Variants in ZNF420 observed in about 807,000 individuals in gnomAD.
The protein encoded by ZNF420 is ATM and p53-associated KZNF protein.
In ZNF420, 31 loss-of-function variants were observed where a neutral mutation model predicts 44.7. The observed-to-expected ratio is 0.69, with a 90% CI of 0.52 to 0.94. The LOEUF (loss-of-function observed/expected upper bound fraction) is 0.94, where lower values mean the gene tolerates loss of function less well. ZNF420 is among the 40% of genes least tolerant of loss of function. ZNF420 has a pLI of 0.00. For synonymous variants in ZNF420, 245 were observed against 267.4 expected (o/e 0.92, Z 0.82); for missense variants, 681 against 827.9 (o/e 0.82, Z 2.18).
chr19:37,026,727 G>T (rs765802265), intron 1 of ZNF420, among the ~76,000 whole-genome samples: 45 of 152,218 alleles, frequency 3.0e-4, no homozygotes, highest in Non-Finnish European at 5.7e-4. Context: ...CTCCCAAAGT[G>T]CTGGGATTAC....
At chr19:37,083,702 G>T (rs1968600722) in intron 2 of ZNF420, among the ~76,000 whole-genome samples, 1 of 152,082 alleles carries the variant, frequency 6.6e-6, no homozygotes. Flanking sequence ...GACTTTCCGT[G>T]CTGACAGAGT....
intron 1 of ZNF420, among the ~76,000 whole-genome samples, chr19:37,045,867 A>G (rs1303184270): frequency 6.6e-6 from 1 of 152,246 alleles, no homozygotes; most frequent in Non-Finnish European, 1.5e-5. Flanking sequence ...AACCTTTTCC[A>G]TGGCCTTGTC....
At chr19:37,126,711 A>G (rs1488005079) in intron 4 of ZNF420, among the ~76,000 whole-genome samples, 1 of 152,110 alleles carries the variant, frequency 6.6e-6, no homozygotes, top group East Asian at 1.9e-4. Flanking sequence ...ATTGTTCTTA[A>G]TCTCTTCCCT....
chr19:37,067,799 CATA>C (rs755165886), intron 1 of ZNF420, among the ~76,000 whole-genome samples: 4 of 152,100 alleles, frequency 2.6e-5, no homozygotes, highest in South Asian at 2.1e-4. Flanking sequence ...GCTCATAAAA[CATA>C]ATAATGTCTC....
intron 1 of ZNF420, among the ~76,000 whole-genome samples, chr19:37,011,542 G>A (rs2074569033): frequency 6.6e-6 from 1 of 152,166 alleles, no homozygotes; most frequent in Non-Finnish European, 1.5e-5. Flanking sequence ...GGCTACCTAG[G>A]CATTGGAGAG....
chr19:37,120,545 T>G (rs770542772), intron 4 of ZNF420, among the ~76,000 whole-genome samples: 8 of 152,102 alleles, frequency 5.3e-5, no homozygotes, highest in African/African-American at 1.9e-4. Flanking sequence ...CTGGAAGCAC[T>G]CACTTTGAAA....
intron 4 of ZNF420, chr19:37,107,660 C>T (rs988604720): frequency 1.9e-4 from 29 of 152,322 alleles, no homozygotes; most frequent in African/African-American, 6.5e-4. Flanking sequence ...TCTCGATGGT[C>T]GCTGTCTCTT....
intron 1 of ZNF420, among the ~76,000 whole-genome samples, chr19:37,048,115 C>T (rs970530429): frequency 6.7e-6 from 1 of 149,188 alleles, no homozygotes; most frequent in Admixed American, 6.7e-5. Context: ...GTGAAAGGCA[C>T]TTTTATTGTG....
chr19:37,032,795 C>T (rs773392193), intron 1 of ZNF420, among the ~76,000 whole-genome samples: 10 of 152,074 alleles, frequency 6.6e-5, no homozygotes, highest in Admixed American at 2.6e-4. Context: ...GTTACCAATA[C>T]CAAGACATAA....
chr19:37,016,613 G>A (rs2074610658), intron 1 of ZNF420, among the ~76,000 whole-genome samples: 1 of 151,868 alleles, frequency 6.6e-6, no homozygotes, highest in Non-Finnish European at 1.5e-5. Context: ...CTGTCCCCAT[G>A]GATTGCCAGT....
Position 37,128,084 on chromosome 19 carries a change from T to C in ZNF420, c.1093T>C (p.Cys365Arg). The change falls in exon 5 of 5, where the codon TGT (cysteine) becomes CGT (arginine). Residue 365 changes from cysteine (C) to arginine (R), a missense_variant. Physicochemically the swap from Cys to Arg is radical, Grantham distance 180. Transcript: ENST00000337995. The part of the protein sequence containing the change: ...RIHTGEKPYK[C>R]EECGKAFIRG... ...TCATACTGGTGAAAAACCCTATAAA[T>C]GTGAAGAATGTGGGAAGGCCTTTAT... 1 of 1,614,052 alleles carries C rather than the reference T, an allele frequency of 6.2e-7. No individual in the cohort carries two copies. Among genetic ancestry groups the C allele is most frequent in the Non-Finnish European group, 8.5e-7 (1 of 1,179,980 alleles).
At chr19:37,091,296 C>A in intron 4 of ZNF420, 175 bp downstream of exon 4, 1 of 558,420 alleles carries the variant, frequency 1.8e-6, no homozygotes, top group Non-Finnish European at 2.9e-6. Flanking sequence ...TCTTTTCCAT[C>A]CTTCAAAAAG....
chr19:37,044,227 C>G (rs1312680286), intron 1 of ZNF420, among the ~76,000 whole-genome samples: 1 of 152,186 alleles, frequency 6.6e-6, no homozygotes, highest in Non-Finnish European at 1.5e-5. Context: ...TTTTAACAGC[C>G]AAGGATGGGC....
chr19:37,087,314 T>G, intron 2 of ZNF420, among the ~76,000 whole-genome samples: 1 of 147,610 alleles, frequency 6.8e-6, no homozygotes, highest in Admixed American at 6.7e-5. Flanking sequence ...AATAAATAAA[T>G]AAATAAATAA....
chr19:37,099,587 A>AT (rs2146589705), intron 4 of ZNF420, among the ~76,000 whole-genome samples: 1 of 152,124 alleles, frequency 6.6e-6, no homozygotes, highest in South Asian at 2.1e-4. Context: ...TATTAGATGC[A>AT]TAGTTTGTGA....
chr19:37,063,326 C>A (rs1263727110), intron 1 of ZNF420, among the ~76,000 whole-genome samples: 1 of 152,182 alleles, frequency 6.6e-6, no homozygotes. Flanking sequence ...AAATTAACTG[C>A]CTGTTTTTCT....
chr19:37,095,129 CA>C (rs57353744), intron 4 of ZNF420, among the ~76,000 whole-genome samples: 4,869 of 63,380 alleles, frequency 0.077, 190 homozygotes, highest in African/African-American at 0.2. Context: ...GACTCTGTCT[CA>C]AAAAAAAAAA....
intron 4 of ZNF420, among the ~76,000 whole-genome samples, chr19:37,116,102 C>T (rs530036026): frequency 2.0e-5 from 3 of 152,220 alleles, no homozygotes; most frequent in South Asian, 4.2e-4. Flanking sequence ...AATGGAGTCT[C>T]TTATGTCTAC....
At chr19:37,092,277 C>T (rs1969194131) in intron 4 of ZNF420, 1 of 152,164 alleles carries the variant, frequency 6.6e-6, no homozygotes, top group Non-Finnish European at 1.5e-5. Flanking sequence ...GGGTTTTTCA[C>T]CATGATCTTC....
Sources: allele counts gnomAD v4.1 joint callset (sites outside exome capture counted in the v4.1 genomes callset), GRCh38; gene constraint gnomAD v4.1.1; transcripts MANE v1.5; gene names NCBI Gene and HGNC (gene_info 2026-07-23, HGNC 2026-07-21).